RPGR: variants seen among roughly 807,000 people sequenced by gnomAD.
RPGR encodes X-linked retinitis pigmentosa GTPase regulator.
RPGR carries 10 observed loss-of-function variants against 56.3 expected under a neutral mutation model. The observed-to-expected ratio is 0.18, with a 90% confidence interval of 0.11 to 0.30. RPGR has a LOEUF of 0.30. RPGR is among the 10% of genes least tolerant of loss of function. The pLI, the probability that RPGR is intolerant of heterozygous loss-of-function variation, is 1.00. For synonymous variants in RPGR, 197 were observed against 212.9 expected, an observed-to-expected ratio of 0.93 and a Z score of 0.65; for missense variants, 538 against 590.9, an observed-to-expected ratio of 0.91 and a Z score of 0.93.
chrX:38,283,399 G>C (rs1197221585), intron 15 of RPGR, among the ~76,000 whole-genome samples: 1 of 112,017 alleles, frequency 8.9e-6, no homozygotes, highest in Non-Finnish European at 1.9e-5. Context: ...CAGAGCTCTA[G>C]CTGGTAATGA....
chrX:38,276,080 T>C (rs927542990), intron 16 of RPGR, among the ~76,000 whole-genome samples: 5 of 112,061 alleles, frequency 4.5e-5, no homozygotes, highest in African/African-American at 1.6e-4. Context: ...TTTGCTTCCT[T>C]AGTGATATCT....
At chrX:38,303,895 A>G in intron 8 of RPGR, 1 of 292,599 alleles carries the variant, frequency 3.4e-6, no homozygotes, top group Non-Finnish European at 6.0e-6. Flanking sequence ...TGACTTTCCA[A>G]TGCTTCACTT....
chrX:38,313,659 C>T (rs1482253260), intron 6 of RPGR, among the ~76,000 whole-genome samples: 1 of 111,615 alleles, frequency 9.0e-6, no homozygotes, highest in Non-Finnish European at 1.9e-5. Context: ...GCAACTCAAT[C>T]GCAGCATCAC....
intron 15 of RPGR, among the ~76,000 whole-genome samples, chrX:38,280,708 A>AT (rs2067014648): frequency 9.1e-6 from 1 of 110,405 alleles, no homozygotes; most frequent in South Asian, 3.9e-4. Flanking sequence ...TAATCTTTTA[A>AT]TTTTTTTGTA....
chrX:38,314,792 A>G (rs759301715), intron 6 of RPGR, among the ~76,000 whole-genome samples: 2 of 112,282 alleles, frequency 1.8e-5, no homozygotes, highest in East Asian at 2.8e-4. Context: ...AGTCTTAAAC[A>G]TAACTATCTT....
chrX:38,277,313 C>T (rs775380501), intron 15 of RPGR, among the ~76,000 whole-genome samples: 1 of 111,338 alleles, frequency 9.0e-6, no homozygotes, highest in Non-Finnish European at 1.9e-5. Flanking sequence ...GAAGGAAAAC[C>T]AAACAGAGGC....
At chrX:38,317,838 G>A in intron 5 of RPGR, 1 of 135,771 alleles carries the variant, frequency 7.4e-6, no homozygotes, top group Non-Finnish European at 1.5e-5. Context: ...GACAGCACAG[G>A]TCACATTAGA....
Position 38,269,794 on chromosome X carries a change from C to G in RPGR, c.2280G>C (p.Lys760Asn). The G allele has an allele frequency of 8.3e-7, 1 of 1,208,784 alleles. No homozygotes were observed. Among genetic ancestry groups the G allele is most frequent in the Non-Finnish European group, 1.1e-6 (1 of 893,643 alleles). ...GCGGCTCATTGTTATTCTTGACAAT[C>G]TTTTGATTTATTGAGGGGACTCTTT... The change falls in exon 19 of 19, where the codon AAG (lysine) becomes AAC (asparagine). Residue 760 changes from lysine (K) to asparagine (N), a missense_variant. This residue lies in a region of RPGR where 357 missense variants were observed against 325.8 expected (regional missense o/e 1.10). Coordinates refer to ENST00000642395, the MANE Select transcript of RPGR (RefSeq NM_000328.3).
At chrX:38,308,957 A>G (rs942791084) in intron 7 of RPGR, among the ~76,000 whole-genome samples, 3 of 112,006 alleles carry the variant, frequency 2.7e-5, no homozygotes, top group East Asian at 2.8e-4. Context: ...TTAGAATTGG[A>G]TATTATTCAA....
intron 15 of RPGR, among the ~76,000 whole-genome samples, chrX:38,280,742 C>A (rs1310004233): frequency 9.0e-6 from 1 of 110,845 alleles, no homozygotes; most frequent in Admixed American, 9.6e-5. Flanking sequence ...ATCATCTTGC[C>A]CAGGCTGGTC....
At chrX:38,283,417 C>G (rs1200889162) in intron 15 of RPGR, among the ~76,000 whole-genome samples, 4 of 111,997 alleles carry the variant, frequency 3.6e-5, no homozygotes, top group Non-Finnish European at 7.5e-5. Context: ...TGAACAACTG[C>G]TGTTCCTATA....
chrX:38,302,472 G>C (rs1391407547), intron 8 of RPGR: 1 of 111,479 alleles, frequency 9.0e-6, no homozygotes, highest in Non-Finnish European at 1.9e-5. Flanking sequence ...TAAGGGGAGA[G>C]TGGTAGGAGA....
chrX:38,302,184 C>T (rs1034044891), intron 8 of RPGR, among the ~76,000 whole-genome samples: 6 of 111,874 alleles, frequency 5.4e-5, no homozygotes, highest in Admixed American at 2.9e-4. Context: ...CGAACCTTCA[C>T]ACTCCTTTCT....
chrX:38,274,776 T>C (rs2066902557), intron 17 of RPGR, among the ~76,000 whole-genome samples: 1 of 111,729 alleles, frequency 9.0e-6, no homozygotes, highest in Non-Finnish European at 1.9e-5. Flanking sequence ...GATCGTGCCA[T>C]TGCACTCCAT....
chrX:38,318,928 T>A lies in RPGR; in HGVS notation c.370A>T (p.Thr124Ser). 2 of 1,211,896 alleles carry A rather than the reference T, an allele frequency of 1.7e-6. No homozygotes were observed. The highest frequency in any genetic ancestry group is 2.2e-6 in the Non-Finnish European group (2 of 895,356). ...ACATGAAAAGTGTTTCTTTCTTCGG[T>A]GTCACCAAGCCCCAACTGTCCTTCA... Residue 124 changes from threonine to serine, a missense_variant, in exon 5 of 19, where the codon ACC (threonine) becomes TCC (serine). Thr to Ser is a moderately conservative substitution (Grantham distance 58). Coordinates refer to ENST00000642395, the MANE Select transcript of RPGR (RefSeq NM_000328.3).
chrX:38,284,328 T>C (rs2067088577), intron 15 of RPGR, 80 bp downstream of exon 15: 1 of 336,168 alleles, frequency 3.0e-6, no homozygotes, highest in African/African-American at 2.8e-5. Flanking sequence ...TTGAAATTAC[T>C]CTAGTGGAAA....
In RPGR at chrX:38,274,547, G is replaced by A. The variant is rs1297988196; in HGVS notation, c.2149+542C>T. Among the ~76,000 whole-genome samples, 3 of 112,694 alleles carry A rather than the reference G, an allele frequency of 2.7e-5. No individual in the cohort carries two copies. The Admixed American group carries it at 2.8e-4, about 11-fold the overall frequency. ...TCCTTAACACCAGCCGGGTGTGGTG[G>A]CTCATGCCTGTAATCCCAGCACTTT... On this transcript the variant is annotated intron_variant, in intron 17 of 18. Transcript: ENST00000642395.
chrX:38,276,982 C>T (rs1210702222), intron 15 of RPGR, among the ~76,000 whole-genome samples: 1 of 111,383 alleles, frequency 9.0e-6, no homozygotes, highest in African/African-American at 3.3e-5. Flanking sequence ...CACTCTATTT[C>T]AATGACTAGG....
chrX:38,286,569 C>T (rs1463009773), intron 15 of RPGR: 1 of 1,096,420 alleles, frequency 9.1e-7, no homozygotes, highest in Non-Finnish European at 1.2e-6. Context: ...CTTCCCCTCC[C>T]TCCTCTTTTT....
Sources: gnomAD v4.1 joint callset for allele counts (sites outside exome capture counted in the v4.1 genomes callset) on GRCh38, gnomAD v4.1.1 for gene constraint, gnomAD v4.1.1 regional missense constraint, MANE v1.5 for transcripts, NCBI Gene and HGNC (gene_info 2026-07-23, HGNC 2026-07-21) for gene names.